RNFT2: variants seen among roughly 807,000 people sequenced by gnomAD.
RNFT2 encodes the protein ring finger protein, transmembrane 2, also known as E3 ubiquitin-protein ligase RNFT2.
Under a neutral mutation model 53.0 loss-of-function variants are expected in RNFT2, and 36 were observed. That is an observed-to-expected ratio of 0.68 (90% confidence interval 0.52 to 0.90). The LOEUF is 0.90. RNFT2 is among the 40% of genes least tolerant of loss of function. The pLI is 0.00. For synonymous variants in RNFT2, 260 were observed against 253.2 expected, an observed-to-expected ratio of 1.03 and a Z score of -0.26; for missense variants, 514 against 585.6, an observed-to-expected ratio of 0.88 and a Z score of 1.26.
chr12:116,778,831 C>T (rs1464104846), intron 6 of RNFT2, among the ~76,000 whole-genome samples: 1 of 152,184 alleles, frequency 6.6e-6, no homozygotes, highest in Non-Finnish European at 1.5e-5. Context: ...GCCTGGGAGA[C>T]GGAGCAAGAC....
intron 10 of RNFT2, among the ~76,000 whole-genome samples, chr12:116,846,821 A>G (rs1877641901): frequency 6.6e-6 from 1 of 151,174 alleles, no homozygotes; most frequent in African/African-American, 2.4e-5. Flanking sequence ...TAGATTCTTC[A>G]TCCCTAAATA....
intron 7 of RNFT2, among the ~76,000 whole-genome samples, chr12:116,826,968 A>ATTTAC (rs1292658475): frequency 2.0e-5 from 3 of 152,104 alleles, no homozygotes; most frequent in Non-Finnish European, 4.4e-5. Context: ...CATACCTGTA[A>ATTTAC]ACAGCACTTT....
intron 7 of RNFT2, among the ~76,000 whole-genome samples, chr12:116,813,894 G>T (rs1167822108): frequency 2.0e-5 from 3 of 152,188 alleles, no homozygotes; most frequent in Non-Finnish European, 4.4e-5. Flanking sequence ...CTAAGCCTCA[G>T]TGTTCTTCCG....
chr12:116,816,860 T>A (rs189299362), intron 7 of RNFT2, among the ~76,000 whole-genome samples: 28 of 152,282 alleles, frequency 1.8e-4, no homozygotes, highest in African/African-American at 5.8e-4. Flanking sequence ...GTACCCAGCT[T>A]AAAAAGTAGA....
At chr12:116,814,950 G>A (rs116325980) in intron 7 of RNFT2, among the ~76,000 whole-genome samples, 3,028 of 152,120 alleles carry the variant, frequency 0.02, 104 homozygotes, top group African/African-American at 0.068. Context: ...TAGCCAGGCC[G>A]GTCACAAACT....
intron 8 of RNFT2, among the ~76,000 whole-genome samples, chr12:116,834,968 G>A (rs1196644144): frequency 2.6e-5 from 4 of 151,404 alleles, no homozygotes; most frequent in Non-Finnish European, 5.9e-5. Flanking sequence ...TCATGTCTCA[G>A]CCTCTCTAGT....
intron 7 of RNFT2, among the ~76,000 whole-genome samples, chr12:116,806,389 T>A (rs7958828): frequency 4.7e-4 from 39 of 82,890 alleles, no homozygotes; most frequent in African/African-American, 1.3e-3. Flanking sequence ...AAAATATATA[T>A]ATATATATAT....
chr12:116,760,238 CGATAGGGGCTTGAAAA>C (rs1872645272), intron 5 of RNFT2, among the ~76,000 whole-genome samples: 1 of 152,140 alleles, frequency 6.6e-6, no homozygotes, highest in Non-Finnish European at 1.5e-5. Flanking sequence ...AGGTGGAGAG[CGATAGGGGCTTGAAAA>C]CCTGCCCCAG....
rs993565865 is a variant in RNFT2 at position 116,852,718 on chromosome 12, T to G, written c.*3270T>G. 2 of 1,613,156 alleles carry G rather than the reference T, an allele frequency of 1.2e-6. No homozygotes were observed. Among genetic ancestry groups the G allele is most frequent in the Non-Finnish European group, 1.7e-6 (2 of 1,179,156 alleles). ...ATGAAAGTGCAGGTGTGTAAGGAAA[T>G]AGAACAGTCTGCTGGGAGTCAGACC... On this transcript the variant is annotated 3_prime_UTR_variant, in exon 11 of 11. Transcript: ENST00000257575.
chr12:116,768,076 A>G (rs960442079), intron 6 of RNFT2, among the ~76,000 whole-genome samples: 3 of 151,678 alleles, frequency 2.0e-5, no homozygotes, highest in Non-Finnish European at 4.4e-5. Flanking sequence ...TGGAGATCAG[A>G]AACTTACTTT....
chr12:116,821,512 T>C (rs1876021905), intron 7 of RNFT2, among the ~76,000 whole-genome samples: 1 of 152,180 alleles, frequency 6.6e-6, no homozygotes, highest in African/African-American at 2.4e-5. Flanking sequence ...GGACAACATG[T>C]CTTTGTTTTC....
intron 3 of RNFT2, among the ~76,000 whole-genome samples, chr12:116,748,260 G>A (rs985647624): frequency 8.5e-5 from 13 of 152,108 alleles, no homozygotes; most frequent in Admixed American, 2.0e-4. Context: ...CTTGATGTTC[G>A]TAGGAAACTG....
At position 116,749,279 on chromosome 12, in the gene RNFT2, T is replaced by TC. The variant is rs200360671; in HGVS notation, c.84-554dup. On this transcript the variant is annotated intron_variant, in intron 3 of 10. Coordinates refer to ENST00000257575, the MANE Select transcript of RNFT2 (RefSeq NM_001382266.1). The stretch of plus-strand genomic sequence containing the variant: ...ACCTGTGTCCTAATCTCTTCCTCTT[T>TC]CCCCCCCCACCACCCCTTTTGAGAC... 6.3e-3 allele frequency among the ~76,000 whole-genome samples: 270 copies of TC among 43,136 alleles called. 2 individuals carry two copies. Among genetic ancestry groups the TC allele is most frequent in the East Asian group, 0.042 (43 of 1,014 alleles). 28.3% of individuals were successfully genotyped at this position (43,136 alleles called of 152,430 possible). A position where few individuals can be genotyped will look rare whatever the true frequency, so the allele number is the denominator to read the frequency against.
At chr12:116,768,522 G>A (rs1043590849) in intron 6 of RNFT2, among the ~76,000 whole-genome samples, 11 of 152,154 alleles carry the variant, frequency 7.2e-5, no homozygotes, top group African/African-American at 2.7e-4. Context: ...ATTACCTAGT[G>A]ATATTGCAGC....
At chr12:116,761,226 G>C (rs947728089) in intron 5 of RNFT2, among the ~76,000 whole-genome samples, 17 of 152,256 alleles carry the variant, frequency 1.1e-4, no homozygotes, top group African/African-American at 4.1e-4. Flanking sequence ...TTGGCGCACT[G>C]TAACCTCTGC....
intron 3 of RNFT2, among the ~76,000 whole-genome samples, chr12:116,743,271 A>C (rs1871730283): frequency 7.6e-6 from 1 of 131,944 alleles, no homozygotes; most frequent in Non-Finnish European, 1.6e-5. Context: ...CATGAGCTAG[A>C]ATTTTTTTTT....
intron 7 of RNFT2, among the ~76,000 whole-genome samples, chr12:116,805,750 A>G (rs927213016): frequency 1.3e-5 from 2 of 152,232 alleles, no homozygotes; most frequent in African/African-American, 2.4e-5. Flanking sequence ...CTGGGATTAC[A>G]GGCGTGAGCC....
At chr12:116,823,815 C>T (rs1000235553) in intron 7 of RNFT2, among the ~76,000 whole-genome samples, 11 of 152,188 alleles carry the variant, frequency 7.2e-5, no homozygotes, top group Non-Finnish European at 7.3e-5. Flanking sequence ...ACTTACCATG[C>T]GCCAGGCACT....
At chr12:116,786,000 T>C (rs1873917920) in intron 7 of RNFT2, among the ~76,000 whole-genome samples, 5 of 151,984 alleles carry the variant, frequency 3.3e-5, no homozygotes, top group Admixed American at 6.6e-5. Flanking sequence ...TGCAGTGAGC[T>C]GAGACCGCGC....
Sources: allele counts gnomAD v4.1 joint callset (sites outside exome capture counted in the v4.1 genomes callset), GRCh38; gene constraint gnomAD v4.1.1; transcripts MANE v1.5; gene names NCBI Gene and HGNC (gene_info 2026-07-23, HGNC 2026-07-21).